Variants in PPP1R15B observed in about 807,000 individuals in gnomAD.
The protein encoded by PPP1R15B is protein phosphatase 1, regulatory (inhibitor) subunit 15B.
In PPP1R15B, 31 loss-of-function variants were observed where a neutral mutation model predicts 53.9. That is an observed-to-expected ratio of 0.58 (90% confidence interval 0.43 to 0.78). The LOEUF is 0.78. Among genes scored for constraint, PPP1R15B ranks in the 30% least tolerant of loss-of-function variants. PPP1R15B has a pLI of 0.00. For missense variants in PPP1R15B, 928 were observed against 849.6 expected (o/e 1.09, Z -1.15); for synonymous variants, 345 against 329.1 (o/e 1.05, Z -0.52).
At chr1:204,407,652 A>AT (rs1227954699) in intron 1 of PPP1R15B, among the ~76,000 whole-genome samples, 3 of 152,162 alleles carry the variant, frequency 2.0e-5, no homozygotes, top group Non-Finnish European at 2.9e-5. Flanking sequence ...TGTCATTAAG[A>AT]TAAATAATAA....
chr1:204,409,892 G>A lies in PPP1R15B; in HGVS notation c.1520C>T (p.Pro507Leu). The A allele has an allele frequency of 6.2e-7, 1 of 1,614,068 alleles. No homozygotes were observed. Among genetic ancestry groups the A allele is most frequent in the South Asian group, 1.1e-5 (1 of 91,082 alleles). ...AGACAAATCCTTCTCTGAATCAGAA[G>A]GCTCTTCAGGAACAATTCTGGCAGC... ...QTAARIVPEE[P>L]SDSEKDLSGK... The change falls in exon 1 of 2, where the codon CCT becomes CTT. Residue 507 changes from proline to leucine, a missense_variant. Physicochemically the swap from Pro to Leu is moderately conservative, Grantham distance 98. Transcript: ENST00000367188.
Position 204,409,795 on chromosome 1 carries a change from C to A in PPP1R15B, c.1617G>T (p.Glu539Asp). 1 of 1,614,168 alleles carries A rather than the reference C, an allele frequency of 6.2e-7. No individual in the cohort carries two copies. Among genetic ancestry groups the A allele is most frequent in the Non-Finnish European group, 8.5e-7 (1 of 1,180,020 alleles). ...LPETPEHSSGEEDDWESSADE... is the reference protein window; with the variant it reads ...LPETPEHSSGDEDDWESSADE... Reference sequence around the variant, plus strand: ...CTGCACTAGATTCCCAGTCATCTTCCTCCCCAGAACTATGCTCAGGGGTCT... The same window carrying A: ...CTGCACTAGATTCCCAGTCATCTTCATCCCCAGAACTATGCTCAGGGGTCT... The change falls in exon 1 of 2, where the codon GAG (glutamate) becomes GAT (aspartate). Residue 539 changes from glutamate (E) to aspartate (D), a missense_variant. Transcript: ENST00000367188.
At chr1:204,407,483 C>T (rs1025468373) in intron 1 of PPP1R15B, among the ~76,000 whole-genome samples, 3 of 152,136 alleles carry the variant, frequency 2.0e-5, no homozygotes, top group African/African-American at 7.2e-5. Context: ...TAAATACTTG[C>T]TTTCAAGTAT....
downstream of PPP1R15B, among the ~76,000 whole-genome samples, chr1:204,396,224 A>G (rs2103436841): frequency 6.6e-6 from 1 of 152,126 alleles, no homozygotes; most frequent in East Asian, 1.9e-4. Flanking sequence ...AAGCAGATCA[A>G]AGGCCAGACG....
rs1674261752 is a variant in PPP1R15B, at chr1:204,406,221, C to A, written c.2013G>T (p.Arg671Ser). The A allele has an allele frequency of 6.2e-7, 1 of 1,614,126 alleles. No individual in the cohort carries two copies. Residue 671 changes from arginine (R) to serine (S), a missense_variant, in exon 2 of 2, where the codon AGG (arginine) becomes AGT (serine). By Grantham distance (110) the Arg-to-Ser change is moderately radical. Coordinates refer to ENST00000367188, the MANE Select transcript of PPP1R15B (RefSeq NM_032833.5). ...CTGTTTCTTGAATTCGTTTCTGGAA[C>A]CTGCATCCATCCCTTGCAAATTCTT... ...PWEEFARDGCRFQKRIQETED... is the reference protein window; with the variant it reads ...PWEEFARDGCSFQKRIQETED...
At chr1:204,403,051 GAC>G (rs1258625592), downstream of PPP1R15B, among the ~76,000 whole-genome samples, 1 of 152,104 alleles carries the variant, frequency 6.6e-6, no homozygotes, top group African/African-American at 2.4e-5. Flanking sequence ...CAGCCTGGGT[GAC>G]AGAGGCTCCG....
Position 204,405,680 on chromosome 1 carries a change from G to C in PPP1R15B, c.*412C>G, listed in dbSNP as rs1306184737. 4.1e-6 allele frequency: 4 copies of C among 985,204 alleles called. No individual in the cohort carries two copies. In the South Asian group the frequency reaches 1.4e-4, roughly 34 times the overall value. The allele number at this position is 985,204 out of a possible 1,614,324, so 61.0% of individuals were successfully genotyped here. ...CTTCTGAATTTTGGGAAAGAAACAA[G>C]AAAGAGCCCAAAGTTTTCAGATAGG... On this transcript the variant is annotated 3_prime_UTR_variant, in exon 2 of 2. Transcript: ENST00000367188.
At chr1:204,408,315 T>C (rs1160128205) in intron 1 of PPP1R15B, among the ~76,000 whole-genome samples, 1 of 152,236 alleles carries the variant, frequency 6.6e-6, no homozygotes, top group Non-Finnish European at 1.5e-5. Flanking sequence ...GGTCATTTTG[T>C]CAGGGGCCCC....
In PPP1R15B at chr1:204,404,667, G is replaced by T. The variant is rs1428432462; in HGVS notation, c.*1425C>A. The T allele has an allele frequency of 4.1e-6, 4 of 985,664 alleles. No individual in the cohort carries two copies. Among genetic ancestry groups the T allele is most frequent in the Admixed American group, 6.1e-5 (1 of 16,262 alleles). The allele number at this position is 985,664 out of a possible 1,614,324, so 61.1% of individuals were successfully genotyped here. ...GATTGTAAACTGAGGTAGTAACCCT[G>T]TAAGCACTTCTGATGAAAAATTCAT... On this transcript the variant is annotated 3_prime_UTR_variant, in exon 2 of 2. Transcript: ENST00000367188.
In PPP1R15B at chr1:204,409,792, T is replaced by C. The variant is rs537467435; in HGVS notation, c.1620A>G (p.Glu540=). 2 of 1,614,210 alleles carry C rather than the reference T, an allele frequency of 1.2e-6. No individual in the cohort carries two copies. The highest frequency in any genetic ancestry group is 4.5e-5 in the East Asian group (2 of 44,884). Reference sequence around the variant, plus strand: ...CATCTGCACTAGATTCCCAGTCATCTTCCTCCCCAGAACTATGCTCAGGGG... The same window carrying C: ...CATCTGCACTAGATTCCCAGTCATCCTCCTCCCCAGAACTATGCTCAGGGG... ...PETPEHSSGE[E]DDWESSADEA... is the part of the protein sequence containing the mutation. The change falls in exon 1 of 2, where the codon GAA becomes GAG. Residue 540 remains glutamate (E), a synonymous_variant. Transcript: ENST00000367188.
downstream of PPP1R15B, among the ~76,000 whole-genome samples, chr1:204,401,022 G>A (rs1674171014): frequency 6.6e-6 from 1 of 152,168 alleles, no homozygotes; most frequent in Non-Finnish European, 1.5e-5. Context: ...CACAAACCTA[G>A]TTTCCCCTGT....
At chr1:204,400,591 G>C (rs1674165584), downstream of PPP1R15B, 1 of 211,550 alleles carries the variant, frequency 4.7e-6, no homozygotes, top group African/African-American at 2.4e-5. Flanking sequence ...CTCCCAAAGT[G>C]CTGGGATTAC....
At chr1:204,399,626 GCTCTGGA>G (rs1451587636), downstream of PPP1R15B, among the ~76,000 whole-genome samples, 3 of 152,114 alleles carry the variant, frequency 2.0e-5, no homozygotes, top group Non-Finnish European at 2.9e-5. Context: ...ACAGTTCTAG[GCTCTGGA>G]CTCATAAACG....
chr1:204,409,371 T>C (rs1674318539), intron 1 of PPP1R15B, 121 bp downstream of exon 1: 5 of 1,099,888 alleles, frequency 4.5e-6, no homozygotes, highest in Non-Finnish European at 6.4e-6. Context: ...TCCAAGTATA[T>C]GAATTTAGAG....
At chr1:204,407,053 A>G (rs150136548) in intron 1 of PPP1R15B, among the ~76,000 whole-genome samples, 4 of 152,276 alleles carry the variant, frequency 2.6e-5, no homozygotes, top group South Asian at 2.1e-4. Flanking sequence ...GACAAGCAAA[A>G]TATTTCTGAA....
chr1:204,411,629 G>A lies in PPP1R15B; in HGVS notation c.-218C>T, dbSNP rs887260971. 8.1e-6 allele frequency: 5 copies of A among 615,352 alleles called. No individual in the cohort carries two copies. Among genetic ancestry groups the A allele is most frequent in the African/African-American group, 7.4e-5 (4 of 54,162 alleles). The allele number at this position is 615,352 out of a possible 1,614,324, so 38.1% of individuals were successfully genotyped here. A position where few individuals can be genotyped will look rare whatever the true frequency, so the allele number is the denominator to read the frequency against. On this transcript the variant is annotated 5_prime_UTR_variant, in exon 1 of 2. Coordinates refer to ENST00000367188, the MANE Select transcript of PPP1R15B (RefSeq NM_032833.5). ...ACAGCCCGCGCAATAGGCGGCGACTGATGCGACTTCCATCCTGGCGGGGAA... is the reference window on the plus strand; with the variant it reads ...ACAGCCCGCGCAATAGGCGGCGACTAATGCGACTTCCATCCTGGCGGGGAA...
At chr1:204,406,342 C>T (rs754055355) in intron 1 of PPP1R15B, 29 bp from the exon 2 acceptor site, 2 of 1,610,646 alleles carry the variant, frequency 1.2e-6, no homozygotes, top group African/African-American at 1.3e-5. Context: ...ATTTTAATAA[C>T]TGTCTAGGAT....
At chr1:204,407,700 AAGAGCTTTACATTT>A (rs1674289319) in intron 1 of PPP1R15B, among the ~76,000 whole-genome samples, 1 of 152,170 alleles carries the variant, frequency 6.6e-6, no homozygotes, top group African/African-American at 2.4e-5. Flanking sequence ...GCTTTTTTTA[AAGAGCTTTACATTT>A]TTATCTCATC....
chr1:204,400,781 G>A (rs190114819), downstream of PPP1R15B: 4 of 946,016 alleles, frequency 4.2e-6, no homozygotes, highest in Admixed American at 6.2e-5. Flanking sequence ...CCTTCTTCTT[G>A]GTAGGGATCT....
Sources: allele counts gnomAD v4.1 joint callset (sites outside exome capture counted in the v4.1 genomes callset), GRCh38; gene constraint gnomAD v4.1.1; transcripts MANE v1.5; gene names NCBI Gene and HGNC (gene_info 2026-07-23, HGNC 2026-07-21).